GRM7: variants seen among roughly 807,000 people sequenced by gnomAD.
GRM7 encodes glutamate metabotropic receptor 7.
A neutral mutation model predicts 84.5 loss-of-function variants in GRM7; 35 were observed. The ratio of observed to expected loss-of-function variants is 0.41; its 90% CI spans 0.32 to 0.55. The LOEUF (loss-of-function observed/expected upper bound fraction) is 0.55. Among genes scored for constraint, GRM7 ranks in the 20% least tolerant of loss-of-function variants. GRM7 has a pLI of 0.19. For missense variants in GRM7, 1,003 were observed against 1,194.6 expected (o/e 0.84, Z 2.36); for synonymous variants, 487 against 455.1 (o/e 1.07, Z -0.89).
At chr3:7,057,490 T>C (rs1466697974) in intron 1 of GRM7, among the ~76,000 whole-genome samples, 1 of 151,950 alleles carries the variant, frequency 6.6e-6, no homozygotes, top group Non-Finnish European at 1.5e-5. Flanking sequence ...ACAAATAATT[T>C]TCATCTGAAT....
intron 7 of GRM7, among the ~76,000 whole-genome samples, chr3:7,525,720 TTTTGA>T (rs1700778955): frequency 1.3e-5 from 2 of 152,086 alleles, no homozygotes; most frequent in Admixed American, 1.3e-4. Context: ...CCTCCCCACT[TTTTGA>T]TTCCTTGGTG....
chr3:7,012,161 C>T (rs573462854), intron 1 of GRM7, among the ~76,000 whole-genome samples: 2 of 152,070 alleles, frequency 1.3e-5, no homozygotes, highest in African/African-American at 4.8e-5. Context: ...GATTGAGTGC[C>T]CAGGAGAATC....
rs1172233037 is a variant in GRM7 at position 6,894,086 on chromosome 3, T to TA, written c.519+32180dup. 3 of 152,176 alleles carry TA rather than the reference T, an allele frequency of 2.0e-5. No individual in the cohort carries two copies. The East Asian group carries it at 5.8e-4, about 29-fold the overall frequency. 9.4% of individuals were successfully genotyped at this position (152,176 alleles called of 1,614,324 possible). A position where few individuals can be genotyped will look rare whatever the true frequency, so the allele number is the denominator to read the frequency against. On this transcript the variant is annotated intron_variant, in intron 1 of 9. Transcript: ENST00000357716. ...CTTTTCTTCAAAAGTTCAACCACTA[T>TA]ACATTCCATGGTGAAAATATTTCTA...
chr3:6,909,000 A>C (rs768829413), intron 1 of GRM7, among the ~76,000 whole-genome samples: 1 of 152,148 alleles, frequency 6.6e-6, no homozygotes. Flanking sequence ...AGTACCATTC[A>C]TCATCCATGT....
chr3:6,904,439 G>T (rs1013811438), intron 1 of GRM7, among the ~76,000 whole-genome samples: 2 of 152,142 alleles, frequency 1.3e-5, no homozygotes, highest in African/African-American at 4.8e-5. Context: ...TAGGATACTA[G>T]TTTGTGTCTC....
intron 3 of GRM7, 139 bp downstream of exon 3, chr3:7,298,964 C>G: frequency 1.4e-6 from 1 of 712,572 alleles, no homozygotes; most frequent in Non-Finnish European, 2.4e-6. Flanking sequence ...GTGCTTGCCT[C>G]TACCCAACAC....
intron 2 of GRM7, among the ~76,000 whole-genome samples, chr3:7,276,203 ATATATGTGTG>A (rs797001943): frequency 0.032 from 4,005 of 124,672 alleles, 65 homozygotes; most frequent in Middle Eastern, 0.066. Flanking sequence ...ATATATATAT[ATATATGTGTG>A]TGTGTGTGTG....
At chr3:7,326,366 C>G (rs918522045) in intron 4 of GRM7, among the ~76,000 whole-genome samples, 1 of 152,006 alleles carries the variant, frequency 6.6e-6, no homozygotes, top group Non-Finnish European at 1.5e-5. Flanking sequence ...TTCTTTTAAA[C>G]TGCAGATGGT....
At chr3:7,480,218 C>T (rs1422188931) in intron 7 of GRM7, among the ~76,000 whole-genome samples, 1 of 152,168 alleles carries the variant, frequency 6.6e-6, no homozygotes, top group African/African-American at 2.4e-5. Flanking sequence ...GCATGCACAA[C>T]TCCGCTAGGC....
chr3:7,369,468 T>C (rs1221660958), intron 4 of GRM7, among the ~76,000 whole-genome samples: 3 of 152,030 alleles, frequency 2.0e-5, no homozygotes, highest in African/African-American at 7.2e-5. Context: ...TTCCTTTGGC[T>C]ATAACTTTGC....
chr3:6,866,700 C>G (rs1165425485), intron 1 of GRM7, among the ~76,000 whole-genome samples: 1 of 152,152 alleles, frequency 6.6e-6, no homozygotes, highest in Non-Finnish European at 1.5e-5. Context: ...TTTCGTATCT[C>G]CATGTAGTAT....
chr3:7,354,444 T>C (rs1416667113), intron 4 of GRM7, among the ~76,000 whole-genome samples: 1 of 152,128 alleles, frequency 6.6e-6, no homozygotes, highest in Non-Finnish European at 1.5e-5. Flanking sequence ...TCTTAGCTGC[T>C]GGCAAAATCC....
chr3:7,720,763 C>T (rs1436935786), intron 9 of GRM7, among the ~76,000 whole-genome samples: 1 of 152,230 alleles, frequency 6.6e-6, no homozygotes, highest in African/African-American at 2.4e-5. Context: ...ACTTACTATC[C>T]AGCCATGTCT....
chr3:6,880,626 T>C (rs1695473930), intron 1 of GRM7, among the ~76,000 whole-genome samples: 1 of 152,012 alleles, frequency 6.6e-6, no homozygotes, highest in Non-Finnish European at 1.5e-5. Context: ...AAAATGCCTT[T>C]GAGCAAATCT....
chr3:7,078,789 T>G (rs1698180207), intron 1 of GRM7, among the ~76,000 whole-genome samples: 1 of 151,810 alleles, frequency 6.6e-6, no homozygotes, highest in African/African-American at 2.4e-5. Context: ...TGAAGTCAAG[T>G]GGGGAGGAAA....
chr3:7,588,907 T>C (rs927803791), intron 8 of GRM7, among the ~76,000 whole-genome samples: 2 of 152,214 alleles, frequency 1.3e-5, no homozygotes, highest in African/African-American at 4.8e-5. Context: ...AAAAAAGGCT[T>C]GATTTATATA....
At chr3:7,176,980 T>C (rs1338557026) in intron 2 of GRM7, among the ~76,000 whole-genome samples, 1 of 152,214 alleles carries the variant, frequency 6.6e-6, no homozygotes, top group East Asian at 1.9e-4. Context: ...GTACAATCAG[T>C]GCCATTCAGT....
At chr3:6,880,212 C>T (rs576649004) in intron 1 of GRM7, among the ~76,000 whole-genome samples, 27 of 152,150 alleles carry the variant, frequency 1.8e-4, no homozygotes, top group African/African-American at 5.1e-4. Context: ...CCAGTCTCCC[C>T]GACAAAGAAC....
intron 1 of GRM7, among the ~76,000 whole-genome samples, chr3:7,066,607 G>T (rs1020662229): frequency 5.3e-5 from 8 of 151,810 alleles, no homozygotes; most frequent in African/African-American, 1.9e-4. Flanking sequence ...TCAAAGAATT[G>T]GTACCAATCC....
Sources: allele counts gnomAD v4.1 joint callset (sites outside exome capture counted in the v4.1 genomes callset), GRCh38; gene constraint gnomAD v4.1.1; transcripts MANE v1.5; gene names NCBI Gene and HGNC (gene_info 2026-07-23, HGNC 2026-07-21).